Variants in GXYLT2 observed in about 807,000 individuals in gnomAD.
GXYLT2 encodes glycosyltransferase 8 domain containing 4.
In GXYLT2, 53 loss-of-function variants were observed where a neutral mutation model predicts 45.8. The ratio of observed to expected loss-of-function variants is 1.16; its 90% CI spans 0.93 to 1.46. The LOEUF is 1.46. GXYLT2 is among the 40% of genes most tolerant of loss of function. The pLI, the probability that GXYLT2 is intolerant of heterozygous loss-of-function variation, is 0.00. For synonymous variants in GXYLT2, 219 were observed against 214.2 expected, an observed-to-expected ratio of 1.02 and a Z score of -0.19; for missense variants, 551 against 544.4, an observed-to-expected ratio of 1.01 and a Z score of -0.12.
chr3:72,945,295 A>T (rs13061229), intron 3 of GXYLT2, among the ~76,000 whole-genome samples: 1 of 48,328 alleles, frequency 2.1e-5, no homozygotes, highest in East Asian at 1.1e-3. Flanking sequence ...CTCAAAAAAT[A>T]AAAAAATAAA....
chr3:72,889,201 A>C (rs745375543), intron 1 of GXYLT2, among the ~76,000 whole-genome samples: 2 of 151,984 alleles, frequency 1.3e-5, no homozygotes, highest in Non-Finnish European at 2.9e-5. Flanking sequence ...TTCATCAGAG[A>C]GCTTTATTTT....
At chr3:72,937,175 T>C (rs556002112) in intron 3 of GXYLT2, among the ~76,000 whole-genome samples, 1 of 152,330 alleles carries the variant, frequency 6.6e-6, no homozygotes, top group African/African-American at 2.4e-5. Flanking sequence ...CAGTGACTCT[T>C]GGAACCAGTT....
intron 1 of GXYLT2, among the ~76,000 whole-genome samples, chr3:72,904,793 C>A (rs980034322): frequency 6.7e-6 from 1 of 150,090 alleles, no homozygotes; most frequent in Non-Finnish European, 1.5e-5. Flanking sequence ...GTAATCCCAG[C>A]AATTTGGGAG....
chr3:72,954,975 A>T, intron 3 of GXYLT2, 123 bp from the exon 4 acceptor site: 1 of 936,442 alleles, frequency 1.1e-6, no homozygotes, highest in Non-Finnish European at 1.6e-6. Context: ...TCCAGAATTT[A>T]ATACGAATCA....
chr3:72,914,471 G>A (rs1709692349), intron 2 of GXYLT2, among the ~76,000 whole-genome samples: 1 of 151,906 alleles, frequency 6.6e-6, no homozygotes, highest in Non-Finnish European at 1.5e-5. Flanking sequence ...CCATTCTGGT[G>A]GTAGGGGCGG....
chr3:72,891,439 T>C lies in GXYLT2; in HGVS notation c.275+2931T>C, dbSNP rs1463904. Among the ~76,000 whole-genome samples, 72 of 152,320 alleles carry C rather than the reference T, an allele frequency of 4.7e-4. 1 individual carries two copies. In the East Asian group the frequency reaches 0.013, roughly 27 times the overall value. ...AGTTTCCAAGGATTTGCCTCGTTAGTAGGCAGACCCTTCAATTTTGTAACT... is the reference window on the plus strand; with the variant it reads ...AGTTTCCAAGGATTTGCCTCGTTAGCAGGCAGACCCTTCAATTTTGTAACT... On this transcript the variant is annotated intron_variant, in intron 1 of 6. Coordinates refer to ENST00000389617, the MANE Select transcript of GXYLT2 (RefSeq NM_001080393.2).
In GXYLT2 at chr3:72,915,356, C is replaced by T. The variant is rs893978427; in HGVS notation, c.468+6797C>T. Among the ~76,000 whole-genome samples, 51 of 17,436 alleles carry T rather than the reference C, an allele frequency of 2.9e-3. 1 individual carries two copies. The highest frequency in any genetic ancestry group is 0.013 in the Admixed American group (14 of 1,070). 11.4% of individuals were successfully genotyped at this position (17,436 alleles called of 152,430 possible). On this transcript the variant is annotated intron_variant, in intron 2 of 6. Coordinates refer to ENST00000389617, the MANE Select transcript of GXYLT2 (RefSeq NM_001080393.2). ...CCATTTCCTTTTTTTTTTTTTTTTG[C>T]GGGGGGGGGGGGGATTTAGGAAAAA...
intron 3 of GXYLT2, among the ~76,000 whole-genome samples, chr3:72,948,628 T>G (rs963152403): frequency 1.1e-4 from 17 of 151,880 alleles, no homozygotes; most frequent in African/African-American, 3.9e-4. Flanking sequence ...CACGAGGTCA[T>G]GAGATCGAGA....
intron 3 of GXYLT2, chr3:72,929,013 G>A: frequency 1.5e-6 from 2 of 1,338,848 alleles, no homozygotes; most frequent in Admixed American, 1.7e-5. Context: ...GCGCCGCGCA[G>A]CCACCGCCGC....
At chr3:72,948,668 C>T (rs1710457495) in intron 3 of GXYLT2, among the ~76,000 whole-genome samples, 1 of 151,980 alleles carries the variant, frequency 6.6e-6, no homozygotes, top group African/African-American at 2.4e-5. Flanking sequence ...GAAACCCCGT[C>T]TCTACTGAAA....
rs574849946 is a variant in GXYLT2 at position 72,929,628 on chromosome 3, G to A, written c.600+7293G>A. 2.8e-5 allele frequency: 26 copies of A among 915,526 alleles called. No individual in the cohort carries two copies. The East Asian group carries it at 6.0e-4, about 21-fold the overall frequency. 56.7% of individuals were successfully genotyped at this position (915,526 alleles called of 1,614,324 possible). On this transcript the variant is annotated intron_variant, in intron 3 of 6. Transcript: ENST00000389617. ...AGGCTAATTTCCCCATAGCCATGGG[G>A]TGACTTCCCTGGTCACCAAGGCAGT...
At chr3:72,936,578 T>G (rs933606546) in intron 3 of GXYLT2, among the ~76,000 whole-genome samples, 8 of 152,078 alleles carry the variant, frequency 5.3e-5, no homozygotes, top group Non-Finnish European at 8.8e-5. Context: ...AGGCAGAAGA[T>G]GTAGTGAGCT....
At chr3:72,913,047 G>GT (rs942733186) in intron 2 of GXYLT2, among the ~76,000 whole-genome samples, 19 of 117,232 alleles carry the variant, frequency 1.6e-4, no homozygotes, top group African/African-American at 4.4e-4. Context: ...TTTTTTTTTT[G>GT]TTTTTTTTGA....
At chr3:72,944,851 G>A (rs912291411) in intron 3 of GXYLT2, among the ~76,000 whole-genome samples, 1 of 152,108 alleles carries the variant, frequency 6.6e-6, no homozygotes, top group African/African-American at 2.4e-5. Flanking sequence ...GTAAGGAAGT[G>A]GAATGATGTG....
intron 1 of GXYLT2, among the ~76,000 whole-genome samples, chr3:72,897,710 A>G (rs1709320720): frequency 6.6e-6 from 1 of 152,226 alleles, no homozygotes; most frequent in African/African-American, 2.4e-5. Flanking sequence ...AGATGAGGAA[A>G]CTGAGGGCTA....
chr3:72,946,778 A>G (rs1398474603), intron 3 of GXYLT2, among the ~76,000 whole-genome samples: 1 of 152,168 alleles, frequency 6.6e-6, no homozygotes, highest in Non-Finnish European at 1.5e-5. Context: ...CATTTAGTCC[A>G]TGATAAGATG....
intron 3 of GXYLT2, among the ~76,000 whole-genome samples, chr3:72,925,730 C>T (rs1167377638): frequency 1.3e-5 from 2 of 152,070 alleles, no homozygotes; most frequent in Non-Finnish European, 2.9e-5. Flanking sequence ...TTTTTGTTGA[C>T]CTTGAATTGT....
At chr3:72,907,481 G>A (rs975911719) in intron 1 of GXYLT2, among the ~76,000 whole-genome samples, 4 of 152,032 alleles carry the variant, frequency 2.6e-5, no homozygotes, top group African/African-American at 4.8e-5. Flanking sequence ...TTGTCTCAGG[G>A]CACCTTTTCC....
Position 72,967,528 on chromosome 3 carries a change from T to A in GXYLT2, c.977-19T>A. 6.2e-7 allele frequency: 1 copy of A among 1,607,320 alleles called. No individual in the cohort carries two copies. The highest frequency in any genetic ancestry group is 1.7e-4 in the Middle Eastern group (1 of 5,974). On this transcript the variant is annotated intron_variant, in intron 5 of 6. Transcript: ENST00000389617. ...GGCACTAACCGTGGACATATATGTCTTTCTCTTTTTACCACCAGAGTGTCT... is the reference window on the plus strand; with the variant it reads ...GGCACTAACCGTGGACATATATGTCATTCTCTTTTTACCACCAGAGTGTCT...
Sources: gnomAD v4.1 joint callset for allele counts (sites outside exome capture counted in the v4.1 genomes callset) on GRCh38, gnomAD v4.1.1 for gene constraint, MANE v1.5 for transcripts, NCBI Gene and HGNC (gene_info 2026-07-23, HGNC 2026-07-21) for gene names.